Variants in TBPL2 observed in about 807,000 individuals in gnomAD.
The protein encoded by TBPL2 is TATA box-binding protein-like 2.
A neutral mutation model predicts 38.2 loss-of-function variants in TBPL2; 40 were observed. The observed-to-expected ratio is 1.05, with a 90% CI of 0.81 to 1.36. TBPL2 has a LOEUF of 1.36. Ranked by LOEUF, TBPL2 falls within the 40% of genes most tolerant of loss-of-function variation. The pLI is 0.00. For missense variants in TBPL2, 461 were observed against 456.7 expected (o/e 1.01, Z -0.09); for synonymous variants, 169 against 171.7 (o/e 0.98, Z 0.12).
intron 6 of TBPL2, 101 bp from the exon 7 acceptor site, chr14:55,414,556 G>A: frequency 1.2e-6 from 1 of 856,876 alleles, no homozygotes; most frequent in Non-Finnish European, 1.7e-6. Flanking sequence ...CTTTTAATAT[G>A]ACATCTCTTT....
intron 5 of TBPL2, among the ~76,000 whole-genome samples, chr14:55,426,722 A>AAAAAG (rs1555344090): frequency 6.6e-6 from 1 of 150,550 alleles, no homozygotes; most frequent in Non-Finnish European, 1.5e-5. Flanking sequence ...TTAAAAAAAA[A>AAAAAG]AAAAGAAAAG....
Position 55,436,601 on chromosome 14 carries a change from T to TC in TBPL2, c.567dup (p.Thr190AspfsTer25). 1 of 1,614,082 alleles carries TC rather than the reference T, an allele frequency of 6.2e-7. No homozygotes were observed. The highest frequency in any genetic ancestry group is 8.5e-7 in the Non-Finnish European group (1 of 1,180,030). ...ATTCCACAACATTCTGAAATAGGGG[T>TC]CATTGGTGTCATGGGAGTTATGGAT... On this transcript the variant is annotated frameshift_variant, in exon 2 of 7. Transcript: ENST00000247219. LOFTEE classifies it high-confidence loss of function.
chr14:55,427,246 A>C (rs567511046), intron 5 of TBPL2, among the ~76,000 whole-genome samples: 1 of 137,878 alleles, frequency 7.3e-6, no homozygotes, highest in East Asian at 2.0e-4. Context: ...TCAGATTTTT[A>C]AAAAATGGGG....
chr14:55,435,435 C>G (rs1455018572), intron 3 of TBPL2, among the ~76,000 whole-genome samples: 1 of 152,040 alleles, frequency 6.6e-6, no homozygotes, highest in Non-Finnish European at 1.5e-5. Context: ...GCCACAACAT[C>G]CAGCTAATTT....
At chr14:55,433,334 A>G (rs1189359228) in intron 4 of TBPL2, among the ~76,000 whole-genome samples, 4 of 119,050 alleles carry the variant, frequency 3.4e-5, no homozygotes, top group South Asian at 2.3e-4. Context: ...TTTTTTTTTA[A>G]CAGAGATGGA....
intron 6 of TBPL2, among the ~76,000 whole-genome samples, chr14:55,421,287 A>G (rs1053212097): frequency 1.3e-5 from 2 of 152,136 alleles, no homozygotes; most frequent in Non-Finnish European, 2.9e-5. Flanking sequence ...TGATATCTAC[A>G]CTATTCAATT....
chr14:55,438,469 G>A lies in TBPL2; in HGVS notation c.151-1451C>T, dbSNP rs551356673. ...GACAATGGGCCCCAATTCCACTGCAGGGTTTCCTTGGTCTCACCTGTCCCA... is the reference window on the plus strand; with the variant it reads ...GACAATGGGCCCCAATTCCACTGCAAGGTTTCCTTGGTCTCACCTGTCCCA... On this transcript the variant is annotated intron_variant, in intron 1 of 6. Coordinates refer to ENST00000247219, the Ensembl canonical transcript of TBPL2. 9.9e-5 allele frequency among the ~76,000 whole-genome samples: 15 copies of A among 152,256 alleles called. No individual in the cohort carries two copies. In the East Asian group the frequency reaches 2.9e-3, roughly 29 times the overall value.
chr14:55,425,024 A>G (rs1200234528), intron 5 of TBPL2, among the ~76,000 whole-genome samples: 1 of 152,246 alleles, frequency 6.6e-6, no homozygotes, highest in East Asian at 1.9e-4. Flanking sequence ...ACATCCAAGC[A>G]ATGGAACACT....
At chr14:55,418,220 G>A (rs1397344610) in intron 6 of TBPL2, among the ~76,000 whole-genome samples, 1 of 152,222 alleles carries the variant, frequency 6.6e-6, no homozygotes, top group Non-Finnish European at 1.5e-5. Context: ...CAGATGGGGA[G>A]TATATTAGAT....
At chr14:55,415,852 CGA>C (rs1174322546) in intron 6 of TBPL2, among the ~76,000 whole-genome samples, 1 of 151,910 alleles carries the variant, frequency 6.6e-6, no homozygotes, top group Non-Finnish European at 1.5e-5. Context: ...GGCGACACAG[CGA>C]GACTCTGTCT....
chr14:55,414,342 T>C (rs887257120), exon 7 of TBPL2: 10 of 1,499,098 alleles, frequency 6.7e-6, no homozygotes, highest in African/African-American at 1.4e-5. Context: ...TATGGACATA[T>C]TCAAACCAGA....
At chr14:55,423,156 C>T (rs1156317777) in intron 6 of TBPL2, among the ~76,000 whole-genome samples, 2 of 151,998 alleles carry the variant, frequency 1.3e-5, no homozygotes, top group African/African-American at 4.8e-5. Context: ...GAAAAATGGT[C>T]GATTTCTGTC....
At chr14:55,434,805 T>C (rs1220467765) in intron 3 of TBPL2, among the ~76,000 whole-genome samples, 2 of 152,170 alleles carry the variant, frequency 1.3e-5, no homozygotes, top group African/African-American at 2.4e-5. Context: ...AAACAAATAA[T>C]AGTTGATGCC....
intron 6 of TBPL2, among the ~76,000 whole-genome samples, chr14:55,422,880 A>AAT (rs1245562929): frequency 6.6e-6 from 1 of 152,020 alleles, no homozygotes; most frequent in African/African-American, 2.4e-5. Flanking sequence ...AACAAACAAC[A>AAT]ATATATATAG....
chr14:55,420,332 C>G (rs1158281287), intron 6 of TBPL2, among the ~76,000 whole-genome samples: 1 of 152,186 alleles, frequency 6.6e-6, no homozygotes, highest in Non-Finnish European at 1.5e-5. Flanking sequence ...GGCGTGAGCA[C>G]AACGCCTAGC....
intron 3 of TBPL2, 27 bp downstream of exon 3, chr14:55,435,820 A>G: frequency 7.1e-7 from 1 of 1,409,910 alleles, no homozygotes; most frequent in South Asian, 1.3e-5. Context: ...GAAGCTAATT[A>G]TTGGAAGGAA....
intron 6 of TBPL2, among the ~76,000 whole-genome samples, chr14:55,418,565 A>G (rs1258616959): frequency 6.6e-6 from 1 of 152,190 alleles, no homozygotes; most frequent in Non-Finnish European, 1.5e-5. Flanking sequence ...TGGGAGGCAC[A>G]TCCTGTCGTG....
At chr14:55,433,606 G>A in intron 4 of TBPL2, 24 bp downstream of exon 4, 1 of 1,592,096 alleles carries the variant, frequency 6.3e-7, no homozygotes, top group Non-Finnish European at 8.6e-7. Flanking sequence ...TCTCTGGTAG[G>A]GGTGGAGGGA....
intron 6 of TBPL2, among the ~76,000 whole-genome samples, chr14:55,421,477 T>A (rs909413703): frequency 4.6e-5 from 7 of 152,192 alleles, no homozygotes; most frequent in Admixed American, 2.6e-4. Context: ...TTTAATTTTT[T>A]AATTAAGATG....
Sources: allele counts gnomAD v4.1 joint callset (sites outside exome capture counted in the v4.1 genomes callset), GRCh38; gene constraint gnomAD v4.1.1; transcripts MANE v1.5; gene names NCBI Gene and HGNC (gene_info 2026-07-23, HGNC 2026-07-21).